The following PACSIN2 variants were observed in gnomAD, a reference collection of about 807,000 sequenced individuals.
PACSIN2 encodes the protein protein kinase C and casein kinase substrate in neurons protein 2.
A neutral mutation model predicts 63.8 loss-of-function variants in PACSIN2; 25 were observed. The ratio of observed to expected loss-of-function variants is 0.39; its 90% confidence interval spans 0.29 to 0.55. The LOEUF is 0.55. Among genes scored for constraint, PACSIN2 ranks in the 20% least tolerant of loss-of-function variants. The probability of loss-of-function intolerance (pLI) is 0.62; values close to 1 mark genes in which losing one functional copy is unlikely to be tolerated. For missense variants in PACSIN2, 518 were observed against 646.9 expected (o/e 0.80, Z 2.16); for synonymous variants, 255 against 256.2 (o/e 1.00, Z 0.05).
intron 1 of PACSIN2, among the ~76,000 whole-genome samples, chr22:42,938,499 G>A (rs1330310953): frequency 6.6e-6 from 1 of 152,212 alleles, no homozygotes; most frequent in Non-Finnish European, 1.5e-5. Context: ...TGGCTCAGAA[G>A]CAGGTAGGGA....
intron 1 of PACSIN2, among the ~76,000 whole-genome samples, chr22:42,995,444 G>T (rs1923332333): frequency 6.6e-6 from 1 of 152,094 alleles, no homozygotes; most frequent in Non-Finnish European, 1.5e-5. Flanking sequence ...TGCACCCTCC[G>T]TCCACTGAGG....
In PACSIN2 at chr22:42,871,331, C is replaced by T. The variant is rs758690877; in HGVS notation, c.*26G>A. ...AGGCTCCTGGGCCCGCCGCCTCCGT[C>T]CCCCCGCTGGCCTGTCCCCGACTCA... On this transcript the variant is annotated 3_prime_UTR_variant, in exon 11 of 11. Coordinates refer to ENST00000263246, the MANE Select transcript of PACSIN2 (RefSeq NM_001184970.3). This position sits in a 1 kb window ranked among gnomAD's most constrained non-coding sequence, Gnocchi z 5.4. 231 of 1,402,718 alleles carry T rather than the reference C, an allele frequency of 1.6e-4. No individual in the cohort carries two copies. The highest frequency in any genetic ancestry group is 2.1e-4 in the Non-Finnish European group (218 of 1,030,460). 86.9% of individuals were successfully genotyped at this position (1,402,718 alleles called of 1,614,324 possible). A position where few individuals can be genotyped will look rare whatever the true frequency, so the allele number is the denominator to read the frequency against.
rs78395694 is a variant in PACSIN2 at position 42,886,415 on chromosome 22, TGTAGGTAGGTAG to T, written c.610-1866_610-1855del. Among the ~76,000 whole-genome samples, 565 of 144,980 alleles carry T rather than the reference TGTAGGTAGGTAG, an allele frequency of 3.9e-3. 5 individuals are homozygous for T. Among genetic ancestry groups the T allele is most frequent in the African/African-American group, 0.013 (525 of 39,552 alleles). On this transcript the variant is annotated intron_variant, in intron 5 of 10. Transcript: ENST00000263246. ...TGCAACCAGTCAGCAATGGTATGTA[TGTAGGTAGGTAG>T]GTAGGTAGGTAGGTAGGTAGGTAGG... is the stretch of plus-strand genomic sequence containing the variant.
At chr22:42,902,104 G>A (rs1396389390) in intron 2 of PACSIN2, among the ~76,000 whole-genome samples, 1 of 152,238 alleles carries the variant, frequency 6.6e-6, no homozygotes, top group East Asian at 1.9e-4. Context: ...GGGATATAGT[G>A]GTGAACAAAC....
chr22:43,001,527 G>A (rs1341823889), intron 1 of PACSIN2, among the ~76,000 whole-genome samples: 1 of 152,250 alleles, frequency 6.6e-6, no homozygotes, highest in Admixed American at 6.5e-5. Flanking sequence ...AGGAAGCTGG[G>A]CAGCGCCTGG....
chr22:42,970,104 G>A (rs1023333056), intron 1 of PACSIN2, among the ~76,000 whole-genome samples: 3 of 152,248 alleles, frequency 2.0e-5, no homozygotes, highest in Middle Eastern at 3.4e-3. Flanking sequence ...AAGTCCTCAC[G>A]CTGGGAAGAG....
intron 2 of PACSIN2, among the ~76,000 whole-genome samples, chr22:42,907,489 T>G (rs1044942965): frequency 2.0e-5 from 3 of 152,164 alleles, no homozygotes; most frequent in African/African-American, 7.2e-5. Flanking sequence ...GTGAGCACGG[T>G]GGGGTGATAA....
In PACSIN2 at chr22:42,888,713, G is replaced by C; in HGVS notation, c.539C>G (p.Pro180Arg). The change falls in exon 5 of 11, where the codon CCA becomes CGA. Residue 180 changes from proline to arginine, a missense_variant. This residue lies in a region of PACSIN2 where 507 missense variants were observed against 612.3 expected (regional missense o/e 0.83). Coordinates refer to ENST00000263246, the MANE Select transcript of PACSIN2 (RefSeq NM_001184970.3). ...CTTGAGCTGTTCAGGGTTGAGGGAT[G>C]GGTCTGCCTTGCTGTTGGCTTCTCG... ...ISREANSKAD[P>R]SLNPEQLKKL... 6.2e-7 allele frequency: 1 copy of C among 1,614,130 alleles called. No homozygotes were observed. The highest frequency in any genetic ancestry group is 8.5e-7 in the Non-Finnish European group (1 of 1,179,968).
chr22:42,925,026 G>T (rs1234174994), intron 1 of PACSIN2, among the ~76,000 whole-genome samples: 2 of 151,732 alleles, frequency 1.3e-5, no homozygotes, highest in African/African-American at 4.8e-5. Context: ...TCACAGGCGT[G>T]AGCCACTGCG....
rs754009723 is a variant in PACSIN2, at chr22:42,871,328, C to T, written c.*29G>A. On this transcript the variant is annotated 3_prime_UTR_variant, in exon 11 of 11. Transcript: ENST00000263246. This position sits in a 1 kb window ranked among gnomAD's most constrained non-coding sequence, Gnocchi z 5.4. ...CTGAGGCTCCTGGGCCCGCCGCCTC[C>T]GTCCCCCCGCTGGCCTGTCCCCGAC... The T allele has an allele frequency of 1.1e-4, 146 of 1,389,358 alleles. 1 individual carries two copies. The highest frequency in any genetic ancestry group is 1.4e-4 in the Non-Finnish European group (137 of 988,946). The allele number at this position is 1,389,358 out of a possible 1,614,324, so 86.1% of individuals were successfully genotyped here. A position where few individuals can be genotyped will look rare whatever the true frequency, so the allele number is the denominator to read the frequency against.
chr22:42,983,936 G>A (rs1396034138), intron 1 of PACSIN2, among the ~76,000 whole-genome samples: 2 of 150,240 alleles, frequency 1.3e-5, no homozygotes, highest in Non-Finnish European at 2.9e-5. Flanking sequence ...AAGAAGCTAC[G>A]CACAGGCTAT....
intron 10 of PACSIN2, among the ~76,000 whole-genome samples, chr22:42,874,556 G>C (rs1569201856): frequency 6.6e-6 from 1 of 152,326 alleles, no homozygotes; most frequent in South Asian, 2.1e-4. Flanking sequence ...GCCCCACCTG[G>C]CCCAGGGGCA....
chr22:42,966,132 G>A (rs1234405457), intron 1 of PACSIN2, among the ~76,000 whole-genome samples: 1 of 152,178 alleles, frequency 6.6e-6, no homozygotes, highest in Admixed American at 6.5e-5. Flanking sequence ...AGCACTTTGG[G>A]AGGCTGAGGC....
chr22:42,872,245 G>C (rs1928209449), intron 10 of PACSIN2, among the ~76,000 whole-genome samples: 1 of 152,226 alleles, frequency 6.6e-6, no homozygotes, highest in African/African-American at 2.4e-5. Context: ...GTGGCACTAG[G>C]GTAGGGCCCC....
intron 2 of PACSIN2, among the ~76,000 whole-genome samples, chr22:42,897,238 G>A (rs1294875194): frequency 1.3e-5 from 2 of 152,168 alleles, no homozygotes; most frequent in East Asian, 3.8e-4. Flanking sequence ...CGCCTGGCCT[G>A]TTCCCTTTTT....
chr22:43,014,323 CACACACACACACA>C, intron 1 of PACSIN2, among the ~76,000 whole-genome samples: 1 of 137,020 alleles, frequency 7.3e-6, no homozygotes, highest in Non-Finnish European at 1.6e-5. Flanking sequence ...CCCCGCCCTA[CACACACACACACA>C]CACACACACA....
chr22:42,997,839 C>T (rs560049360), intron 1 of PACSIN2, among the ~76,000 whole-genome samples: 1 of 152,226 alleles, frequency 6.6e-6, no homozygotes, highest in South Asian at 2.1e-4. Context: ...TGAGATCACA[C>T]CACTGCACCC....
rs560297604 is a variant in PACSIN2, at chr22:42,992,349, G to C, written c.-78+22672C>G. Among the ~76,000 whole-genome samples, 10 of 152,322 alleles carry C rather than the reference G, an allele frequency of 6.6e-5. No homozygotes were observed. In the South Asian group the frequency reaches 2.1e-3, roughly 32 times the overall value. On this transcript the variant is annotated intron_variant, in intron 1 of 10. Transcript: ENST00000263246. Reference sequence around the variant, plus strand: ...CAAAGCACTTTGGAAAAGTTTGGCAGTGTCTGGACATGTTAAACGTACCCT... The same window carrying C: ...CAAAGCACTTTGGAAAAGTTTGGCACTGTCTGGACATGTTAAACGTACCCT...
Position 42,879,094 on chromosome 22 carries a change from C to T in PACSIN2, c.982G>A (p.Gly328Ser), listed in dbSNP as rs1434378543. 6.2e-7 allele frequency: 1 copy of T among 1,614,040 alleles called. No homozygotes were observed. Among genetic ancestry groups the T allele is most frequent in the Non-Finnish European group, 8.5e-7 (1 of 1,180,010 alleles). The change falls in exon 8 of 11, where the codon GGC becomes AGC. Residue 328 changes from glycine to serine, a missense_variant. Around this residue, in one of 2 missense-constraint regions of PACSIN2, gnomAD observed 507 missense variants for 612.3 expected, o/e 0.83. Transcript: ENST00000263246. ...KKATDGVTLT[G>S]INQTGDQSLP... ...GACTGGTCGCCTGTCTGGTTGATGC[C>T]CGTCAGGGTGACGCCGTCAGTGGCC... is the stretch of plus-strand genomic sequence containing the variant.
Sources: allele counts gnomAD v4.1 joint callset (sites outside exome capture counted in the v4.1 genomes callset), GRCh38; gene constraint gnomAD v4.1.1; regional missense constraint gnomAD v4.1.1; non-coding constraint Gnocchi (gnomAD v3.1); transcripts MANE v1.5; gene names NCBI Gene and HGNC (gene_info 2026-07-23, HGNC 2026-07-21).